The following RBFOX1 variants were observed in gnomAD, a reference collection of about 807,000 sequenced individuals.
The protein encoded by RBFOX1 is RNA binding protein fox-1 homolog 1.
In RBFOX1, 8 loss-of-function variants were observed where a neutral mutation model predicts 57.7. The ratio of observed to expected loss-of-function variants is 0.14; its 90% confidence interval spans 0.08 to 0.25. The LOEUF (loss-of-function observed/expected upper bound fraction) is 0.25. Ranked by LOEUF, RBFOX1 falls within the 10% of genes least tolerant of loss-of-function variation. The pLI, the probability that RBFOX1 is intolerant of heterozygous loss-of-function variation, is 1.00. For synonymous variants in RBFOX1, 326 were observed against 222.4 expected (o/e 1.47, Z -4.15); for missense variants, 611 against 548.5 (o/e 1.11, Z -1.14).
intron 4 of RBFOX1, chr16:7,304,316 G>T: frequency 1.0e-6 from 1 of 985,094 alleles, no homozygotes; most frequent in African/African-American, 1.7e-5. Flanking sequence ...AAATTGTAGC[G>T]CCCAGGCAGA....
chr16:6,891,491 G>C (rs1043188090), intron 3 of RBFOX1, among the ~76,000 whole-genome samples: 1 of 151,802 alleles, frequency 6.6e-6, no homozygotes, highest in African/African-American at 2.4e-5. Flanking sequence ...GAGAGGAGAG[G>C]AGAGGGGAAG....
chr16:6,810,627 T>G (rs2088275638), intron 3 of RBFOX1, among the ~76,000 whole-genome samples: 1 of 152,084 alleles, frequency 6.6e-6, no homozygotes, highest in Admixed American at 6.6e-5. Flanking sequence ...AGACTGGGTA[T>G]TTTATAAAGG....
chr16:5,354,567 G>C (rs1232233538), intron 1 of RBFOX1, among the ~76,000 whole-genome samples: 2 of 152,220 alleles, frequency 1.3e-5, no homozygotes, highest in Non-Finnish European at 2.9e-5. Context: ...ATACATTCTG[G>C]CTATTAGGAT....
At chr16:6,350,666 C>G (rs2086206069) in intron 2 of RBFOX1, among the ~76,000 whole-genome samples, 1 of 152,032 alleles carries the variant, frequency 6.6e-6, no homozygotes, top group East Asian at 1.9e-4. Flanking sequence ...TTGATAATCA[C>G]CACCCTCTTG....
At chr16:6,667,523 G>T (rs191650670) in intron 3 of RBFOX1, among the ~76,000 whole-genome samples, 2 of 152,090 alleles carry the variant, frequency 1.3e-5, no homozygotes, top group Non-Finnish European at 2.9e-5. Flanking sequence ...GGTCACTATG[G>T]GACTCAATGA....
intron 4 of RBFOX1, among the ~76,000 whole-genome samples, chr16:5,916,814 G>A (rs1188331196): frequency 6.6e-6 from 1 of 152,156 alleles, no homozygotes; most frequent in East Asian, 1.9e-4. Flanking sequence ...GATTGAGCTG[G>A]GAGAGAGTCG....
At chr16:6,377,454 C>T (rs2091321972) in intron 2 of RBFOX1, among the ~76,000 whole-genome samples, 1 of 152,054 alleles carries the variant, frequency 6.6e-6, no homozygotes, top group Admixed American at 6.6e-5. Flanking sequence ...ACCCAGTGTA[C>T]AAGGCAGTAC....
intron 1 of RBFOX1, among the ~76,000 whole-genome samples, chr16:5,381,495 C>G (rs1027643882): frequency 1.1e-4 from 17 of 152,166 alleles, no homozygotes; most frequent in African/African-American, 4.1e-4. Context: ...TTCTAGCAAG[C>G]TCCCTGGTGA....
Position 6,652,475 on chromosome 16 carries a change from G to A in RBFOX1, c.-63-2128G>A, listed in dbSNP as rs192657398. On this transcript the variant is annotated intron_variant, in intron 2 of 15. Coordinates refer to ENST00000550418, the MANE Select transcript of RBFOX1 (RefSeq NM_018723.4). ...AAAGAAAAAAAAAAGCCATGGGTCT[G>A]TCTCCCTTTCTCTCTCTCTCAGAAA... Among the ~76,000 whole-genome samples the A allele has an allele frequency of 1.8e-3, 266 of 151,964 alleles. 2 individuals are homozygous for A. Among genetic ancestry groups the A allele is most frequent in the Middle Eastern group, 0.017 (5 of 294 alleles).
At chr16:6,599,709 C>G (rs79697366) in intron 2 of RBFOX1, among the ~76,000 whole-genome samples, 83 of 152,334 alleles carry the variant, frequency 5.4e-4, no homozygotes, top group African/African-American at 1.9e-3. Flanking sequence ...AACTTCTCCA[C>G]TACTCTGTTT....
chr16:5,446,323 G>C (rs746936972), intron 1 of RBFOX1, among the ~76,000 whole-genome samples: 3 of 152,126 alleles, frequency 2.0e-5, no homozygotes, highest in Non-Finnish European at 4.4e-5. Context: ...AAAAAGGAAG[G>C]TATGCATCCT....
At chr16:7,230,291 G>A (rs2152915184) in intron 4 of RBFOX1, among the ~76,000 whole-genome samples, 1 of 152,220 alleles carries the variant, frequency 6.6e-6, no homozygotes, top group African/African-American at 2.4e-5. Context: ...TGCCGTCGTT[G>A]TCTAGTGGAC....
chr16:7,126,071 G>A (rs909572314), intron 4 of RBFOX1, among the ~76,000 whole-genome samples: 12 of 152,022 alleles, frequency 7.9e-5, no homozygotes, highest in South Asian at 2.1e-4. Flanking sequence ...CGACAGAGCC[G>A]GACTCCATCT....
intron 2 of RBFOX1, among the ~76,000 whole-genome samples, chr16:5,571,175 T>A (rs1028754417): frequency 6.6e-6 from 1 of 150,846 alleles, no homozygotes. Flanking sequence ...GTAACTCTCT[T>A]ACTCCCTTGT....
At chr16:6,026,656 C>G (rs2095201216) in intron 1 of RBFOX1, among the ~76,000 whole-genome samples, 1 of 152,246 alleles carries the variant, frequency 6.6e-6, no homozygotes, top group Admixed American at 6.5e-5. Flanking sequence ...GCACTTGTTT[C>G]TATTTATTGC....
intron 4 of RBFOX1, among the ~76,000 whole-genome samples, chr16:7,238,511 C>T (rs1287246554): frequency 2.3e-5 from 3 of 130,276 alleles, no homozygotes; most frequent in African/African-American, 1.0e-4. Flanking sequence ...AGGTTACTCT[C>T]CTCATCTTTC....
chr16:5,867,859 G>A (rs1288783599), intron 4 of RBFOX1, among the ~76,000 whole-genome samples: 4 of 151,920 alleles, frequency 2.6e-5, no homozygotes, highest in African/African-American at 9.7e-5. Context: ...TTACAGGTGT[G>A]CACCGCCACG....
chr16:6,522,619 C>G lies in RBFOX1; in HGVS notation c.-63-131984C>G, dbSNP rs550925513. Among the ~76,000 whole-genome samples the G allele has an allele frequency of 1.1e-4, 17 of 152,184 alleles. No individual in the cohort carries two copies. In the South Asian group the frequency reaches 1.5e-3, roughly 13 times the overall value. On this transcript the variant is annotated intron_variant, in intron 2 of 15. Coordinates refer to ENST00000550418, the MANE Select transcript of RBFOX1 (RefSeq NM_018723.4). ...AAGTTAAATATGACCTGTTCAGAAA[C>G]CATAACTTGGGTTGGCATTCAGTAC...
At chr16:6,330,056 T>C (rs2082825393) in intron 2 of RBFOX1, among the ~76,000 whole-genome samples, 1 of 152,194 alleles carries the variant, frequency 6.6e-6, no homozygotes, top group Admixed American at 6.5e-5. Context: ...CTTTCCCTTC[T>C]TCCCCATGCA....
Sources: gnomAD v4.1 joint callset for allele counts (sites outside exome capture counted in the v4.1 genomes callset) on GRCh38, gnomAD v4.1.1 for gene constraint, MANE v1.5 for transcripts, NCBI Gene and HGNC (gene_info 2026-07-23, HGNC 2026-07-21) for gene names.